The following DCAF8L2 variants were observed in gnomAD, a reference collection of about 807,000 sequenced individuals.
The protein encoded by DCAF8L2 is DDB1 and CUL4 associated factor 8 like 2.
For synonymous variants in DCAF8L2, 200 were observed against 190.9 expected, an observed-to-expected ratio of 1.05 and a Z score of -0.39; for missense variants, 430 against 490.7, an observed-to-expected ratio of 0.88 and a Z score of 1.17.
intron 2 of DCAF8L2, among the ~76,000 whole-genome samples, chrX:27,651,764 C>A (rs1174423579): frequency 9.1e-6 from 1 of 110,461 alleles, no homozygotes; most frequent in Non-Finnish European, 1.9e-5. Context: ...CCCGCCTCCG[C>A]CTCCCAAAAT....
chrX:27,720,890 A>T (rs1208042030), intron 4 of DCAF8L2, among the ~76,000 whole-genome samples: 1 of 111,701 alleles, frequency 9.0e-6, no homozygotes, highest in Non-Finnish European at 1.9e-5. Flanking sequence ...TATTAAATGC[A>T]TTTATAAATA....
chrX:27,675,037 G>C (rs1320233255), intron 2 of DCAF8L2, among the ~76,000 whole-genome samples: 1 of 111,810 alleles, frequency 8.9e-6, no homozygotes, highest in Non-Finnish European at 1.9e-5. Context: ...ATTCTTTCTT[G>C]TTCCAAGTAA....
At chrX:27,525,358 C>A in the DCAF8L2 span, among the ~76,000 whole-genome samples, 1 of 111,524 alleles carries the variant, frequency 9.0e-6, no homozygotes. Flanking sequence ...GCAACTCCTG[C>A]CTTTTTTTGT....
intron 2 of DCAF8L2, among the ~76,000 whole-genome samples, chrX:27,654,629 T>C (rs769732294): frequency 8.9e-5 from 10 of 111,838 alleles, no homozygotes; most frequent in Non-Finnish European, 1.7e-4. Flanking sequence ...ACAAATGTTT[T>C]AGTCACTTGC....
chrX:27,520,567 C>A, the DCAF8L2 span, among the ~76,000 whole-genome samples: 7 of 111,665 alleles, frequency 6.3e-5, no homozygotes, highest in African/African-American at 2.3e-4. Context: ...TGTGTTATGC[C>A]TTTTAAGTTG....
the DCAF8L2 span, among the ~76,000 whole-genome samples, chrX:27,536,624 G>A: frequency 9.9e-6 from 1 of 100,891 alleles, no homozygotes; most frequent in African/African-American, 3.4e-5. Flanking sequence ...GAACAGAATT[G>A]ACTGGGCAAA....
At chrX:27,587,985 A>AAAAAATATATATATATAT, upstream of DCAF8L2, among the ~76,000 whole-genome samples, 10 of 22,348 alleles carry the variant, frequency 4.5e-4, no homozygotes, top group African/African-American at 5.9e-4. Context: ...TAAAAAAAAA[A>AAAAAATATATATATATAT]ATATATATAT....
At chrX:27,646,420 G>GGATTAAAGA (rs1022761702) in intron 2 of DCAF8L2, among the ~76,000 whole-genome samples, 2 of 111,508 alleles carry the variant, frequency 1.8e-5, no homozygotes, top group African/African-American at 6.5e-5. Flanking sequence ...AACTAAAGAT[G>GGATTAAAGA]GATTAAAGAC....
the DCAF8L2 span, among the ~76,000 whole-genome samples, chrX:27,548,791 G>T: frequency 1.8e-5 from 2 of 111,702 alleles, no homozygotes; most frequent in Non-Finnish European, 1.9e-5. Flanking sequence ...TTTCATCTAG[G>T]TTGAATAAAG....
chrX:27,583,640 G>A, the DCAF8L2 span, among the ~76,000 whole-genome samples: 1 of 111,168 alleles, frequency 9.0e-6, no homozygotes, highest in Non-Finnish European at 1.9e-5. Context: ...GTAGGTGAGC[G>A]AGCTTTACTG....
chrX:27,544,830 C>T, the DCAF8L2 span, among the ~76,000 whole-genome samples: 1 of 111,676 alleles, frequency 9.0e-6, no homozygotes, highest in Non-Finnish European at 1.9e-5. Flanking sequence ...TGAGATATCA[C>T]TATTTTCTCA....
At chrX:27,500,918 A>G in the DCAF8L2 span, among the ~76,000 whole-genome samples, 2 of 111,361 alleles carry the variant, frequency 1.8e-5, no homozygotes, top group African/African-American at 6.5e-5. Context: ...TGTTTAAGAT[A>G]CTTTTGATAT....
intron 3 of DCAF8L2, among the ~76,000 whole-genome samples, chrX:27,698,357 C>T (rs2147264163): frequency 8.9e-6 from 1 of 111,813 alleles, no homozygotes; most frequent in African/African-American, 3.2e-5. Context: ...CTTCCTGAGC[C>T]TACTGGGCCA....
chrX:27,619,920 G>A (rs1250434137), intron 1 of DCAF8L2, among the ~76,000 whole-genome samples: 1 of 111,585 alleles, frequency 9.0e-6, no homozygotes, highest in Non-Finnish European at 1.9e-5. Context: ...AAGGATTAAT[G>A]TCTTAATAAA....
At chrX:27,556,199 C>A in the DCAF8L2 span, among the ~76,000 whole-genome samples, 1 of 111,205 alleles carries the variant, frequency 9.0e-6, no homozygotes, top group African/African-American at 3.3e-5. Context: ...TCTTATAAAT[C>A]ACTCTTTTAT....
chrX:27,541,726 G>A, the DCAF8L2 span, among the ~76,000 whole-genome samples: 16 of 110,949 alleles, frequency 1.4e-4, no homozygotes, highest in African/African-American at 4.6e-4. Flanking sequence ...GGGTACATAT[G>A]CAGGATTGTT....
chrX:27,514,231 G>T, the DCAF8L2 span, among the ~76,000 whole-genome samples: 1 of 102,676 alleles, frequency 9.7e-6, no homozygotes, highest in Non-Finnish European at 2.0e-5. Context: ...ACCTATATGT[G>T]TGCATATGTA....
the DCAF8L2 span, among the ~76,000 whole-genome samples, chrX:27,527,312 G>T: frequency 3.6e-5 from 4 of 112,296 alleles, no homozygotes; most frequent in Admixed American, 3.8e-4. Flanking sequence ...ATGGGTGTAG[G>T]ACCCTCCAAG....
the DCAF8L2 span, among the ~76,000 whole-genome samples, chrX:27,568,254 C>T: frequency 9.0e-6 from 1 of 110,543 alleles, no homozygotes; most frequent in Non-Finnish European, 1.9e-5. Context: ...TAGTAAACTC[C>T]CTAAAGTAAT....
Sources: allele counts gnomAD v4.1 joint callset (sites outside exome capture counted in the v4.1 genomes callset), GRCh38; gene constraint gnomAD v4.1.1; transcripts MANE v1.5; gene names NCBI Gene and HGNC (gene_info 2026-07-23, HGNC 2026-07-21).